Variants in BRCC3 observed in about 807,000 individuals in gnomAD.
The protein encoded by BRCC3 is lys-63-specific deubiquitinase BRCC36.
Under a neutral mutation model 28.0 loss-of-function variants are expected in BRCC3, and 15 were observed. The observed-to-expected ratio is 0.54, with a 90% CI of 0.36 to 0.82. The LOEUF (loss-of-function observed/expected upper bound fraction) is 0.82, where lower values mean the gene tolerates loss of function less well. BRCC3 is among the 40% of genes least tolerant of loss of function. BRCC3 has a pLI of 0.01. For synonymous variants in BRCC3, 66 were observed against 80.3 expected, an observed-to-expected ratio of 0.82 and a Z score of 0.95; for missense variants, 109 against 225.9, an observed-to-expected ratio of 0.48 and a Z score of 3.32.
chrX:155,101,732 C>T (rs1383313013), intron 7 of BRCC3, among the ~76,000 whole-genome samples: 1 of 111,474 alleles, frequency 9.0e-6, no homozygotes, highest in Admixed American at 9.5e-5. Context: ...GTAGATGTTC[C>T]AGGTTTGTCT....
intron 5 of BRCC3, among the ~76,000 whole-genome samples, chrX:155,085,998 T>C (rs1430521030): frequency 9.0e-6 from 1 of 111,612 alleles, no homozygotes; most frequent in Non-Finnish European, 1.9e-5. Flanking sequence ...GCTCTCGATA[T>C]GAGTTTTGGT....
chrX:155,075,325 G>GGTT (rs2074029179), intron 3 of BRCC3, among the ~76,000 whole-genome samples: 1 of 53,562 alleles, frequency 1.9e-5, no homozygotes, highest in African/African-American at 3.7e-4. Context: ...CACACTAAAT[G>GGTT]TGGCCACTCC....
Position 155,072,349 on chromosome X carries a change from A to T in BRCC3, c.140+6A>T, listed in dbSNP as rs1216870318. On this transcript the variant is annotated splice_donor_region_variant and intron_variant, in intron 2 of 10. Coordinates refer to ENST00000330045, the MANE Select transcript of BRCC3 (RefSeq NM_001018055.3). The stretch of plus-strand genomic sequence containing the variant: ...TAGTTGAACGATGATACAAGGTAAG[A>T]CTGTATTTGTTTACTCATATCTTAT... 8.4e-7 allele frequency: 1 copy of T among 1,184,348 alleles called. No homozygotes were observed. The highest frequency in any genetic ancestry group is 1.1e-6 in the Non-Finnish European group (1 of 873,934).
At chrX:155,100,064 T>C (rs1192632884) in intron 7 of BRCC3, among the ~76,000 whole-genome samples, 1 of 112,002 alleles carries the variant, frequency 8.9e-6, no homozygotes, top group East Asian at 2.8e-4. Flanking sequence ...ACAGTAAAGT[T>C]GTAAGAATAG....
chrX:155,110,160 A>G, intron 7 of BRCC3, among the ~76,000 whole-genome samples: 1 of 111,878 alleles, frequency 8.9e-6, no homozygotes, highest in Non-Finnish European at 1.9e-5. Flanking sequence ...AGATTGATCC[A>G]TAATTTTCTT....
At chrX:155,075,788 T>C (rs1419477152) in intron 3 of BRCC3, among the ~76,000 whole-genome samples, 1 of 112,379 alleles carries the variant, frequency 8.9e-6, no homozygotes, top group Non-Finnish European at 1.9e-5. Flanking sequence ...CTGCAAATTA[T>C]GGCTTGGCAT....
rs781893611 is a variant in BRCC3 at position 155,083,014 on chromosome X, A to G, written c.403+4311A>G. 5.4e-5 allele frequency among the ~76,000 whole-genome samples: 6 copies of G among 112,097 alleles called. No individual in the cohort carries two copies. In the East Asian group the frequency reaches 1.7e-3, roughly 31 times the overall value. On this transcript the variant is annotated intron_variant, in intron 5 of 10. Transcript: ENST00000330045. ...TAGATTCAGGTTATGCACTTTTGGC[A>G]TGTGGTGCTAGGCCTTTGTCAGCGT... is the stretch of plus-strand genomic sequence containing the variant.
chrX:155,094,887 A>G, intron 7 of BRCC3, among the ~76,000 whole-genome samples: 1 of 112,643 alleles, frequency 8.9e-6, no homozygotes, highest in Non-Finnish European at 1.9e-5. Flanking sequence ...TGGTATGTGA[A>G]GAACTGAGAA....
At chrX:155,073,756 A>G (rs1285982173) in intron 3 of BRCC3, among the ~76,000 whole-genome samples, 1 of 110,729 alleles carries the variant, frequency 9.0e-6, no homozygotes, top group Non-Finnish European at 1.9e-5. Flanking sequence ...TTACCTCTTT[A>G]TCTCGAATTC....
Position 155,123,053 on chromosome X carries a change from G to A in BRCC3, c.*1849G>A, listed in dbSNP as rs1466126513. 9.0e-6 allele frequency: 1 copy of A among 111,485 alleles called. No homozygotes were observed. Among genetic ancestry groups the A allele is most frequent in the African/African-American group, 3.3e-5 (1 of 30,597 alleles). The allele number at this position is 111,485 out of a possible 1,213,427, so 9.2% of individuals were successfully genotyped here. On this transcript the variant is annotated 3_prime_UTR_variant, in exon 11 of 11. Coordinates refer to ENST00000330045, the MANE Select transcript of BRCC3 (RefSeq NM_001018055.3). ...GTAAAATCTGGTGATACTGAATAAA[G>A]TCTGTGGTCTAGATAGCAGTATAAT...
intron 7 of BRCC3, among the ~76,000 whole-genome samples, chrX:155,097,504 CAAA>C (rs2074218027): frequency 9.0e-6 from 1 of 110,849 alleles, no homozygotes; most frequent in African/African-American, 3.3e-5. Flanking sequence ...AGAGACTCCT[CAAA>C]AAACAAAAAA....
At chrX:155,091,527 C>T (rs938644105) in intron 7 of BRCC3, among the ~76,000 whole-genome samples, 3 of 111,363 alleles carry the variant, frequency 2.7e-5, no homozygotes, top group Admixed American at 1.9e-4. Context: ...CTGCCTCGGC[C>T]TCCTAAAATA....
Position 155,071,510 on chromosome X carries a change from G to A in BRCC3, c.-18G>A, listed in dbSNP as rs782119790. 9 of 1,192,069 alleles carry A rather than the reference G, an allele frequency of 7.5e-6. No homozygotes were observed. The East Asian group carries it at 2.7e-4, about 36-fold the overall frequency. On this transcript the variant is annotated 5_prime_UTR_variant, in exon 1 of 11. Coordinates refer to ENST00000330045, the MANE Select transcript of BRCC3 (RefSeq NM_001018055.3). ...GACCAAGTGGGCCCGAGGCGGACGT[G>A]AGAAGGGTCGGGCCAAGATGGCGGT...
intron 5 of BRCC3, among the ~76,000 whole-genome samples, chrX:155,087,376 C>T (rs936622001): frequency 8.9e-6 from 1 of 112,209 alleles, no homozygotes; most frequent in Non-Finnish European, 1.9e-5. Flanking sequence ...AGCCAGTGGA[C>T]GGGCAGGGTC....
chrX:155,085,220 G>A (rs1304939971), intron 5 of BRCC3, among the ~76,000 whole-genome samples: 1 of 112,423 alleles, frequency 8.9e-6, no homozygotes, highest in Non-Finnish European at 1.9e-5. Context: ...CATTAAAAGA[G>A]AATGTCTATT....
chrX:155,087,606 G>C, intron 5 of BRCC3, among the ~76,000 whole-genome samples: 1 of 111,779 alleles, frequency 8.9e-6, no homozygotes, highest in Non-Finnish European at 1.9e-5. Context: ...TAAGGGTAGA[G>C]AGATAAAAGG....
intron 7 of BRCC3, among the ~76,000 whole-genome samples, chrX:155,109,834 G>A (rs1557297924): frequency 1.8e-5 from 2 of 111,528 alleles, no homozygotes; most frequent in African/African-American, 6.5e-5. Context: ...ATGTAAAAGA[G>A]AATGCTTTAA....
chrX:155,073,470 T>G lies in BRCC3; in HGVS notation c.195+39T>G, dbSNP rs782757585. Reference sequence around the variant, plus strand: ...AATTTTGCATGATGGAAACTTGCAGTTGGGGAAAGATTTCTGTAATCCAGT... The same window carrying G: ...AATTTTGCATGATGGAAACTTGCAGGTGGGGAAAGATTTCTGTAATCCAGT... On this transcript the variant is annotated intron_variant, in intron 3 of 10. Coordinates refer to ENST00000330045, the MANE Select transcript of BRCC3 (RefSeq NM_001018055.3). 9 of 1,156,711 alleles carry G rather than the reference T, an allele frequency of 7.8e-6. No individual in the cohort carries two copies. The East Asian group carries it at 2.9e-4, about 38-fold the overall frequency.
chrX:155,110,265 G>A (rs989656130), intron 7 of BRCC3, among the ~76,000 whole-genome samples: 3 of 111,394 alleles, frequency 2.7e-5, no homozygotes, highest in African/African-American at 9.8e-5. Context: ...TTTCTGAAAT[G>A]GTTTGTGTAA....
Sources: gnomAD v4.1 joint callset for allele counts (sites outside exome capture counted in the v4.1 genomes callset) on GRCh38, gnomAD v4.1.1 for gene constraint, MANE v1.5 for transcripts, NCBI Gene and HGNC (gene_info 2026-07-23, HGNC 2026-07-21) for gene names.